TMEM132D: variants seen among roughly 807,000 people sequenced by gnomAD.
The protein encoded by TMEM132D is mature OL transmembrane protein.
Under a neutral mutation model 62.3 loss-of-function variants are expected in TMEM132D, and 21 were observed. The observed-to-expected ratio is 0.34, with a 90% confidence interval of 0.24 to 0.49. TMEM132D has a LOEUF of 0.49. Among genes scored for constraint, TMEM132D ranks in the 20% least tolerant of loss-of-function variants. The pLI, the probability that TMEM132D is intolerant of heterozygous loss-of-function variation, is 0.99. For missense variants in TMEM132D, 1,346 were observed against 1,402.8 expected (o/e 0.96, Z 0.65); for synonymous variants, 621 against 575.6 (o/e 1.08, Z -1.13).
At chr12:129,513,848 A>ATTTATTTTT in intron 3 of TMEM132D, among the ~76,000 whole-genome samples, 1 of 112,780 alleles carries the variant, frequency 8.9e-6, no homozygotes, top group African/African-American at 3.5e-5. Flanking sequence ...TTATTTATTT[A>ATTTATTTTT]TTTTTTTGAG....
chr12:129,554,565 C>A (rs556795236), intron 2 of TMEM132D, among the ~76,000 whole-genome samples: 97 of 152,160 alleles, frequency 6.4e-4, no homozygotes, highest in Non-Finnish European at 1.2e-3. Context: ...ATGTGATTTT[C>A]TTCCTTCTTT....
chr12:129,161,122 T>C (rs1877389116), intron 5 of TMEM132D, among the ~76,000 whole-genome samples: 2 of 152,218 alleles, frequency 1.3e-5, no homozygotes, highest in Admixed American at 1.3e-4. Flanking sequence ...GGTGGGTATG[T>C]GCCTGCTTCC....
intron 2 of TMEM132D, among the ~76,000 whole-genome samples, chr12:129,614,814 A>G (rs1177351084): frequency 6.6e-6 from 1 of 152,122 alleles, no homozygotes. Context: ...TGATATGAGA[A>G]ATGTGGATTT....
intron 1 of TMEM132D, among the ~76,000 whole-genome samples, chr12:129,829,103 A>C (rs1395485330): frequency 1.3e-5 from 2 of 152,088 alleles, no homozygotes; most frequent in Non-Finnish European, 2.9e-5. Context: ...AAGATGGCTA[A>C]GGCTCTGTTG....
At chr12:129,745,223 A>G (rs1483682580) in intron 1 of TMEM132D, among the ~76,000 whole-genome samples, 1 of 152,174 alleles carries the variant, frequency 6.6e-6, no homozygotes, top group Non-Finnish European at 1.5e-5. Context: ...TAATACCCCT[A>G]TATAACATCC....
chr12:129,501,085 TGCA>T (rs1875126854), intron 3 of TMEM132D, among the ~76,000 whole-genome samples: 1 of 152,218 alleles, frequency 6.6e-6, no homozygotes, highest in Non-Finnish European at 1.5e-5. Context: ...ATCTTGAAAT[TGCA>T]GCATCAAGAC....
intron 5 of TMEM132D, among the ~76,000 whole-genome samples, chr12:129,088,153 C>CG (rs751436626): frequency 0.033 from 445 of 13,470 alleles, 40 homozygotes; most frequent in South Asian, 0.043. Flanking sequence ...CCTCCCTGAC[C>CG]GGGTGTCCTC....
intron 5 of TMEM132D, among the ~76,000 whole-genome samples, chr12:129,086,769 T>C (rs1270745133): frequency 1.3e-5 from 2 of 150,246 alleles, no homozygotes; most frequent in Non-Finnish European, 3.0e-5. Flanking sequence ...AAATTTGAAA[T>C]ATATATTTAT....
intron 3 of TMEM132D, among the ~76,000 whole-genome samples, chr12:129,360,289 T>A (rs1208103242): frequency 6.6e-6 from 1 of 152,130 alleles, no homozygotes; most frequent in Non-Finnish European, 1.5e-5. Flanking sequence ...ATGTCTAAGA[T>A]CCGTAGGTGA....
At chr12:129,193,180 A>G (rs1878455547) in intron 5 of TMEM132D, among the ~76,000 whole-genome samples, 1 of 145,016 alleles carries the variant, frequency 6.9e-6, no homozygotes, top group Non-Finnish European at 1.5e-5. Flanking sequence ...AAAAAAAAAG[A>G]TACAACAGCT....
At chr12:129,792,641 A>T (rs1325647671) in intron 1 of TMEM132D, among the ~76,000 whole-genome samples, 1 of 152,182 alleles carries the variant, frequency 6.6e-6, no homozygotes, top group Non-Finnish European at 1.5e-5. Context: ...ATACACAAAT[A>T]ATATCTCCGA....
intron 1 of TMEM132D, among the ~76,000 whole-genome samples, chr12:129,724,019 T>C (rs1868937407): frequency 6.6e-6 from 1 of 152,210 alleles, no homozygotes; most frequent in Admixed American, 6.5e-5. Flanking sequence ...TACTCTGTAT[T>C]ATCTGGGTGG....
intron 3 of TMEM132D, among the ~76,000 whole-genome samples, chr12:129,382,469 C>T (rs1870978553): frequency 1.3e-5 from 2 of 152,166 alleles, no homozygotes; most frequent in African/African-American, 4.8e-5. Flanking sequence ...TCTGAGGATC[C>T]TCCAGCAAGA....
chr12:129,093,798 C>T (rs1234655366), intron 5 of TMEM132D, among the ~76,000 whole-genome samples: 2 of 152,136 alleles, frequency 1.3e-5, no homozygotes, highest in Admixed American at 6.5e-5. Context: ...TACAAGGCTA[C>T]AGTAACCAAA....
At chr12:129,730,486 A>G (rs931063601) in intron 1 of TMEM132D, among the ~76,000 whole-genome samples, 2 of 152,162 alleles carry the variant, frequency 1.3e-5, no homozygotes, top group Non-Finnish European at 2.9e-5. Context: ...AATGCTTTGT[A>G]AGGTCTGAAT....
chr12:129,214,007 A>G (rs1879131786), intron 4 of TMEM132D, among the ~76,000 whole-genome samples: 1 of 152,214 alleles, frequency 6.6e-6, no homozygotes, highest in Non-Finnish European at 1.5e-5. Context: ...GAGCTGGGGT[A>G]TTTATACACC....
intron 5 of TMEM132D, among the ~76,000 whole-genome samples, chr12:129,154,321 A>T (rs901601317): frequency 1.3e-5 from 2 of 152,194 alleles, no homozygotes; most frequent in Non-Finnish European, 2.9e-5. Context: ...CTTCATTCTC[A>T]TTTTTAGAAA....
rs1873973344 is a variant in TMEM132D at position 129,863,766 on chromosome 12, ATTGT to A, written c.79+39491_79+39494del. Among the ~76,000 whole-genome samples the A allele has an allele frequency of 2.0e-5, 3 of 152,110 alleles. No homozygotes were observed. In the South Asian group the frequency reaches 6.2e-4, roughly 32 times the overall value. Reference sequence around the variant, plus strand: ...AATGCTAGCATCAGAACATCTAGGTATTGTTTGTTTCTGTTTTTGTTTTTTTGGG... The same window carrying A: ...AATGCTAGCATCAGAACATCTAGGTATTGTTTCTGTTTTTGTTTTTTTGGG... On this transcript the variant is annotated intron_variant, in intron 1 of 8. Coordinates refer to ENST00000422113, the MANE Select transcript of TMEM132D (RefSeq NM_133448.3).
rs114362392 is a variant in TMEM132D, at chr12:129,216,673, G to A, written c.1300-7010C>T. ...AGTGTCTCTTGTATTTAGCCATCAC[G>A]TTGTGTTACTTCATCACTTCAGTAC... On this transcript the variant is annotated intron_variant, in intron 4 of 8. Transcript: ENST00000422113. Among the ~76,000 whole-genome samples the A allele has an allele frequency of 1.2e-3, 190 of 152,288 alleles. 1 individual carries two copies. The highest frequency in any genetic ancestry group is 4.3e-3 in the African/African-American group (178 of 41,558).
Sources: allele counts gnomAD v4.1 joint callset (sites outside exome capture counted in the v4.1 genomes callset), GRCh38; gene constraint gnomAD v4.1.1; transcripts MANE v1.5; gene names NCBI Gene and HGNC (gene_info 2026-07-23, HGNC 2026-07-21).